The following TMEM135 variants were observed in gnomAD, a reference collection of about 807,000 sequenced individuals.
TMEM135 encodes peroxisomal membrane protein 52.
Under a neutral mutation model 60.3 loss-of-function variants are expected in TMEM135, and 30 were observed. The ratio of observed to expected loss-of-function variants is 0.50; its 90% confidence interval spans 0.37 to 0.68. The LOEUF (loss-of-function observed/expected upper bound fraction) is 0.68, where lower values mean the gene tolerates loss of function less well. Among genes scored for constraint, TMEM135 ranks in the 30% least tolerant of loss-of-function variants. The pLI, the probability that TMEM135 is intolerant of heterozygous loss-of-function variation, is 0.00. For synonymous variants in TMEM135, 190 were observed against 186.7 expected, an observed-to-expected ratio of 1.02 and a Z score of -0.14; for missense variants, 468 against 548.8, an observed-to-expected ratio of 0.85 and a Z score of 1.47.
intron 6 of TMEM135, among the ~76,000 whole-genome samples, chr11:87,274,154 G>C (rs375106544): frequency 6.6e-6 from 1 of 152,110 alleles, no homozygotes; most frequent in African/African-American, 2.4e-5. Context: ...CCTAATCTAG[G>C]TATGTCGACA....
chr11:87,286,807 A>G (rs561621218), intron 6 of TMEM135, among the ~76,000 whole-genome samples: 50 of 152,328 alleles, frequency 3.3e-4, no homozygotes, highest in African/African-American at 1.2e-3. Context: ...CGGTAACAAG[A>G]CTAATCAGAA....
At chr11:87,235,854 T>A (rs1281787992) in intron 5 of TMEM135, among the ~76,000 whole-genome samples, 1 of 151,970 alleles carries the variant, frequency 6.6e-6, no homozygotes, top group East Asian at 1.9e-4. Context: ...GTTTTTGAGA[T>A]CATCATTTCA....
rs559251090 is a variant in TMEM135 at position 87,299,419 on chromosome 11, G to T, written c.552-2877G>T. On this transcript the variant is annotated intron_variant, in intron 7 of 14. Transcript: ENST00000305494. ...AATTCACTATCATGAGAACAGCATG[G>T]GGGAAACTGACCCCATGATCCAATC... Among the ~76,000 whole-genome samples, 3 of 152,208 alleles carry T rather than the reference G, an allele frequency of 2.0e-5. No homozygotes were observed. In the South Asian group the frequency reaches 6.2e-4, roughly 32 times the overall value.
At chr11:87,093,028 C>G (rs1287858439) in intron 4 of TMEM135, among the ~76,000 whole-genome samples, 1 of 152,062 alleles carries the variant, frequency 6.6e-6, no homozygotes, top group Non-Finnish European at 1.5e-5. Context: ...AATCTTGCTT[C>G]TCCCCATTCT....
chr11:87,147,822 A>G (rs1210898957), intron 4 of TMEM135, among the ~76,000 whole-genome samples: 1 of 152,258 alleles, frequency 6.6e-6, no homozygotes, highest in East Asian at 1.9e-4. Context: ...CAGTGGCACA[A>G]TCTTGGCTCA....
chr11:87,318,296 A>C (rs747987857), intron 13 of TMEM135, 61 bp downstream of exon 13: 3 of 1,157,116 alleles, frequency 2.6e-6, no homozygotes, highest in Non-Finnish European at 3.9e-6. Context: ...TACGTTAATC[A>C]AATGGGAGAG....
chr11:87,176,795 G>T (rs1939380595), intron 5 of TMEM135, among the ~76,000 whole-genome samples: 1 of 152,106 alleles, frequency 6.6e-6, no homozygotes, highest in South Asian at 2.1e-4. Context: ...AATGAGAGGG[G>T]AGGATGAATA....
At chr11:87,152,749 T>C (rs1447243260) in intron 4 of TMEM135, among the ~76,000 whole-genome samples, 2 of 152,230 alleles carry the variant, frequency 1.3e-5, no homozygotes, top group African/African-American at 4.8e-5. Context: ...CTTATGTTAT[T>C]TTTGAGTCTT....
intron 5 of TMEM135, among the ~76,000 whole-genome samples, chr11:87,220,507 T>A (rs775496418): frequency 6.6e-5 from 10 of 152,320 alleles, no homozygotes; most frequent in African/African-American, 2.4e-4. Context: ...TTGAGGTTAT[T>A]ACCCTGTTTC....
Position 87,325,707 on chromosome 11 carries a change from T to G in TMEM135, c.*4374T>G, listed in dbSNP as rs1352566728. On this transcript the variant is annotated 3_prime_UTR_variant, in exon 15 of 15. Coordinates refer to ENST00000305494, the MANE Select transcript of TMEM135 (RefSeq NM_022918.4). ...AAACATTTCCAGAGACACTGATTTT[T>G]TTTTTATATGCTCTGTTTTTCTTAG... 2 of 453,854 alleles carry G rather than the reference T, an allele frequency of 4.4e-6. No homozygotes were observed. Among genetic ancestry groups the G allele is most frequent in the East Asian group, 1.4e-4 (2 of 14,388 alleles). The allele number at this position is 453,854 out of a possible 1,614,324, so 28.1% of individuals were successfully genotyped here.
intron 6 of TMEM135, among the ~76,000 whole-genome samples, chr11:87,260,665 AGGGC>A (rs1941632820): frequency 2.0e-5 from 3 of 152,298 alleles, no homozygotes; most frequent in Middle Eastern, 3.4e-3. Flanking sequence ...CTAATAAAAT[AGGGC>A]ATTAATTTTT....
At chr11:87,059,029 C>A (rs1445883282) in intron 1 of TMEM135, among the ~76,000 whole-genome samples, 1 of 151,902 alleles carries the variant, frequency 6.6e-6, no homozygotes, top group East Asian at 1.9e-4. Flanking sequence ...CCTCCACCTC[C>A]TGGGTTCAAG....
At position 87,321,939 on chromosome 11, in the gene TMEM135, G is replaced by A. The variant is rs772213612; in HGVS notation, c.*606G>A. On this transcript the variant is annotated 3_prime_UTR_variant, in exon 15 of 15. Transcript: ENST00000305494. ...TCATACCATTTGGATAAATGTCGTG[G>A]TATCCATGCTTTTTTTCAACTAATA... 2.2e-6 allele frequency: 1 copy of A among 454,222 alleles called. No individual in the cohort carries two copies. Among genetic ancestry groups the A allele is most frequent in the East Asian group, 7.0e-5 (1 of 14,386 alleles). 28.1% of individuals were successfully genotyped at this position (454,222 alleles called of 1,614,324 possible). A position where few individuals can be genotyped will look rare whatever the true frequency, so the allele number is the denominator to read the frequency against.
chr11:87,096,298 C>T (rs1857327776), intron 4 of TMEM135: 2 of 266,058 alleles, frequency 7.5e-6, no homozygotes, highest in Non-Finnish European at 1.5e-5. Flanking sequence ...AGAACTTGTT[C>T]ACCTTTTCTT....
intron 4 of TMEM135, among the ~76,000 whole-genome samples, chr11:87,142,349 T>C (rs2135246981): frequency 6.6e-6 from 1 of 152,314 alleles, no homozygotes; most frequent in South Asian, 2.1e-4. Context: ...GATAGAGTAC[T>C]GTGGAAGCAG....
At chr11:87,132,696 A>T (rs1189328860) in intron 4 of TMEM135, among the ~76,000 whole-genome samples, 1 of 152,110 alleles carries the variant, frequency 6.6e-6, no homozygotes, top group Admixed American at 6.6e-5. Context: ...ATTGAAGTTT[A>T]TTTAATATTT....
chr11:87,188,920 C>A (rs768755985), intron 5 of TMEM135, among the ~76,000 whole-genome samples: 53 of 152,064 alleles, frequency 3.5e-4, no homozygotes, highest in Non-Finnish European at 6.0e-4. Flanking sequence ...ACATTTGGTA[C>A]ATGTGCCAGT....
intron 3 of TMEM135, among the ~76,000 whole-genome samples, chr11:87,087,869 T>C (rs1857129609): frequency 6.6e-6 from 1 of 152,144 alleles, no homozygotes; most frequent in Non-Finnish European, 1.5e-5. Flanking sequence ...CCCGAGTAGC[T>C]GGGATTACAG....
chr11:87,088,025 A>G (rs1182164789), intron 3 of TMEM135, among the ~76,000 whole-genome samples: 1 of 152,154 alleles, frequency 6.6e-6, no homozygotes, highest in Non-Finnish European at 1.5e-5. Context: ...GGTGTGAGCC[A>G]CCACACCTGG....
Sources: allele counts gnomAD v4.1 joint callset (sites outside exome capture counted in the v4.1 genomes callset), GRCh38; gene constraint gnomAD v4.1.1; transcripts MANE v1.5; gene names NCBI Gene and HGNC (gene_info 2026-07-23, HGNC 2026-07-21).